The following EFHD1 variants were observed in gnomAD, a reference collection of about 807,000 sequenced individuals.
The protein encoded by EFHD1 is EF-hand domain-containing protein D1.
A neutral mutation model predicts 17.2 loss-of-function variants in EFHD1; 10 were observed. That is an observed-to-expected ratio of 0.58 (90% CI 0.36 to 0.99). EFHD1 has a LOEUF of 0.99. EFHD1 is among the 50% of genes least tolerant of loss of function. EFHD1 has a pLI of 0.01. For synonymous variants in EFHD1, 153 were observed against 142.0 expected, an observed-to-expected ratio of 1.08 and a Z score of -0.55; for missense variants, 310 against 327.5, an observed-to-expected ratio of 0.95 and a Z score of 0.41.
intron 1 of EFHD1, among the ~76,000 whole-genome samples, chr2:232,619,158 TATAAATAAATAA>T (rs370538870): frequency 0.044 from 6,457 of 146,082 alleles, 154 homozygotes; most frequent in South Asian, 0.084. Flanking sequence ...CATCTCAAAA[TATAAATAAATAA>T]ATAAATAAAT....
At chr2:232,626,414 G>A (rs1694104504) in intron 1 of EFHD1, among the ~76,000 whole-genome samples, 1 of 151,252 alleles carries the variant, frequency 6.6e-6, no homozygotes, top group Non-Finnish European at 1.5e-5. Context: ...TGGGCGTGGT[G>A]GTGCATGCCT....
Position 232,627,079 on chromosome 2 carries a change from T to A in EFHD1, c.14+20906T>A, listed in dbSNP as rs570918991. 2.3e-3 allele frequency among the ~76,000 whole-genome samples: 304 copies of A among 132,918 alleles called. 5 individuals are homozygous for A. Among genetic ancestry groups the A allele is most frequent in the African/African-American group, 8.0e-3 (281 of 35,054 alleles). 87.2% of individuals were successfully genotyped at this position (132,918 alleles called of 152,430 possible). A position where few individuals can be genotyped will look rare whatever the true frequency, so the allele number is the denominator to read the frequency against. ...ATATATATATATTTTTTTTTTTTTTTAATTAGCCAGTTGTGGTGGCACACA... is the reference window on the plus strand; with the variant it reads ...ATATATATATATTTTTTTTTTTTTTAAATTAGCCAGTTGTGGTGGCACACA... On this transcript the variant is annotated intron_variant, in intron 1 of 3. Coordinates refer to the EFHD1 transcript ENST00000409613.
At chr2:232,680,757 C>T (rs1481596695) in intron 3 of EFHD1, among the ~76,000 whole-genome samples, 1 of 152,096 alleles carries the variant, frequency 6.6e-6, no homozygotes, top group Admixed American at 6.5e-5. Flanking sequence ...GATCCGCCCG[C>T]TTCAGCCTCC....
upstream of EFHD1, among the ~76,000 whole-genome samples, chr2:232,629,734 G>T (rs999190685): frequency 2.0e-5 from 3 of 151,756 alleles, no homozygotes; most frequent in African/African-American, 2.4e-5. Context: ...CTCCCAAAGT[G>T]CTGGGATTAT....
chr2:232,669,368 T>G (rs984839208), intron 2 of EFHD1, among the ~76,000 whole-genome samples: 2 of 152,204 alleles, frequency 1.3e-5, no homozygotes, highest in Non-Finnish European at 2.9e-5. Context: ...TTGCTTTGTA[T>G]TTGACAATAT....
At chr2:232,662,089 G>A (rs1694879285) in intron 1 of EFHD1, 1 of 152,440 alleles carries the variant, frequency 6.6e-6, no homozygotes. Flanking sequence ...CAGGGCTGAA[G>A]ATGGCTGGGC....
Position 232,670,702 on chromosome 2 carries a change from G to A in EFHD1, c.451-1607G>A, listed in dbSNP as rs536449057. On this transcript the variant is annotated intron_variant, in intron 2 of 3. Transcript: ENST00000264059. ...CCATAAAAGTTGTAGACAAAACATA[G>A]GTGGTTGTTTATATAACCTTGGTGC... is the stretch of plus-strand genomic sequence containing the variant. 2.5e-3 allele frequency among the ~76,000 whole-genome samples: 375 copies of A among 151,522 alleles called. 2 individuals are homozygous for A. Among genetic ancestry groups the A allele is most frequent in the Middle Eastern group, 0.014 (4 of 290 alleles).
At chr2:232,607,328 G>C (rs1032331068) in intron 1 of EFHD1, among the ~76,000 whole-genome samples, 1 of 151,682 alleles carries the variant, frequency 6.6e-6, no homozygotes, top group Admixed American at 6.6e-5. Flanking sequence ...GCTCAGGCCT[G>C]TAATCTCAGC....
intron 1 of EFHD1, among the ~76,000 whole-genome samples, chr2:232,640,417 G>C (rs1237931415): frequency 6.6e-6 from 1 of 152,152 alleles, no homozygotes; most frequent in Non-Finnish European, 1.5e-5. Flanking sequence ...GGCCAGCACT[G>C]TCCATATGTC....
At chr2:232,639,468 T>G (rs182893924) in intron 1 of EFHD1, among the ~76,000 whole-genome samples, 112 of 152,226 alleles carry the variant, frequency 7.4e-4, no homozygotes, top group African/African-American at 2.6e-3. Flanking sequence ...ATCATAGGCA[T>G]GGGCTACTTC....
At chr2:232,608,706 G>A (rs1157588757) in intron 1 of EFHD1, among the ~76,000 whole-genome samples, 3 of 151,898 alleles carry the variant, frequency 2.0e-5, no homozygotes, top group Non-Finnish European at 2.9e-5. Flanking sequence ...GGAGGCGGGC[G>A]GAAAATGAGG....
chr2:232,658,875 A>G (rs1298574359), intron 1 of EFHD1, among the ~76,000 whole-genome samples: 1 of 152,200 alleles, frequency 6.6e-6, no homozygotes, highest in Non-Finnish European at 1.5e-5. Context: ...TGCACTGTAC[A>G]GTGAATTTTA....
At chr2:232,636,351 G>A (rs1286425600) in intron 1 of EFHD1, among the ~76,000 whole-genome samples, 2 of 152,150 alleles carry the variant, frequency 1.3e-5, no homozygotes, top group Non-Finnish European at 2.9e-5. Flanking sequence ...TAAAAGCTCT[G>A]TGCCATCAGT....
At chr2:232,611,417 G>A (rs1347177233) in intron 1 of EFHD1, 1 of 152,158 alleles carries the variant, frequency 6.6e-6, no homozygotes, top group African/African-American at 2.4e-5. Context: ...TCTTGAGAGG[G>A]GGCCATGGGA....
chr2:232,625,365 C>T (rs1352636551), intron 1 of EFHD1, among the ~76,000 whole-genome samples: 2 of 151,432 alleles, frequency 1.3e-5, no homozygotes, highest in African/African-American at 4.9e-5. Context: ...GTCTTGAACT[C>T]CTAGGCTCAA....
chr2:232,619,017 C>G (rs1693974978), intron 1 of EFHD1, among the ~76,000 whole-genome samples: 1 of 151,652 alleles, frequency 6.6e-6, no homozygotes, highest in Non-Finnish European at 1.5e-5. Flanking sequence ...GGCATGGTGG[C>G]AGGCATCTGT....
intron 1 of EFHD1, among the ~76,000 whole-genome samples, chr2:232,622,233 C>T (rs1486045121): frequency 6.6e-6 from 1 of 151,980 alleles, no homozygotes; most frequent in South Asian, 2.1e-4. Context: ...TCTGGGAGGC[C>T]GAGGCAGGCG....
At chr2:232,618,603 G>T (rs115928764) in intron 1 of EFHD1, among the ~76,000 whole-genome samples, 16 of 151,458 alleles carry the variant, frequency 1.1e-4, no homozygotes, top group Non-Finnish European at 2.4e-4. Flanking sequence ...GCATCTTGTA[G>T]TCCCAGCTAC....
At chr2:232,632,041 A>C (rs1352045404), upstream of EFHD1, among the ~76,000 whole-genome samples, 1 of 152,150 alleles carries the variant, frequency 6.6e-6, no homozygotes, top group African/African-American at 2.4e-5. Context: ...AAATTAAAAA[A>C]AGTTTAATTA....
Sources: allele counts gnomAD v4.1 joint callset (sites outside exome capture counted in the v4.1 genomes callset), GRCh38; gene constraint gnomAD v4.1.1; transcripts MANE v1.5; gene names NCBI Gene and HGNC (gene_info 2026-07-23, HGNC 2026-07-21).